Variants in AP4E1 observed in about 807,000 individuals in gnomAD.
The protein encoded by AP4E1 is AP-4 complex subunit epsilon-1.
In AP4E1, 56 loss-of-function variants were observed where a neutral mutation model predicts 128.2. The ratio of observed to expected loss-of-function variants is 0.44; its 90% CI spans 0.35 to 0.55. The LOEUF (loss-of-function observed/expected upper bound fraction) is 0.55, where lower values mean the gene tolerates loss of function less well. Among genes scored for constraint, AP4E1 ranks in the 20% least tolerant of loss-of-function variants. The pLI, the probability that AP4E1 is intolerant of heterozygous loss-of-function variation, is 0.00. For missense variants in AP4E1, 1,324 were observed against 1,307.7 expected (o/e 1.01, Z -0.19); for synonymous variants, 484 against 473.1 (o/e 1.02, Z -0.30).
At chr15:50,994,402 C>A (rs1567263938) in intron 17 of AP4E1, among the ~76,000 whole-genome samples, 1 of 152,058 alleles carries the variant, frequency 6.6e-6, no homozygotes, top group Admixed American at 6.6e-5. Context: ...TCCTCCTCCT[C>A]CCATGGTGAA....
rs746533356 is a variant in AP4E1 at position 50,930,799 on chromosome 15, A to G, written c.703-6A>G. On this transcript the variant is annotated splice_region_variant and splice_polypyrimidine_tract_variant and intron_variant, in intron 6 of 20. Transcript: ENST00000261842. ...TTAACAAAGTTTTTTTTGCGGGGGG[A>G]TGTAGGAGAATTCATCTGGATATAA... 3 of 1,613,004 alleles carry G rather than the reference A, an allele frequency of 1.9e-6. No homozygotes were observed. The highest frequency in any genetic ancestry group is 1.7e-6 in the Non-Finnish European group (2 of 1,179,706).
In AP4E1 at chr15:50,934,478, G is replaced by A. The variant is rs570673941; in HGVS notation, c.870-146G>A. ...TCATGAAAAACAGCAAACCTTTTAAGAAGTGAAATTTCCATAACTTCATCA... is the reference window on the plus strand; with the variant it reads ...TCATGAAAAACAGCAAACCTTTTAAAAAGTGAAATTTCCATAACTTCATCA... On this transcript the variant is annotated intron_variant, in intron 7 of 20. Transcript: ENST00000261842. 7.3e-5 allele frequency: 45 copies of A among 613,586 alleles called. No homozygotes were observed. In the South Asian group the frequency reaches 8.6e-4, roughly 12 times the overall value. The allele number at this position is 613,586 out of a possible 1,614,324, so 38.0% of individuals were successfully genotyped here. A position where few individuals can be genotyped will look rare whatever the true frequency, so the allele number is the denominator to read the frequency against.
At chr15:50,932,647 A>G (rs2063849939) in intron 7 of AP4E1, among the ~76,000 whole-genome samples, 1 of 152,154 alleles carries the variant, frequency 6.6e-6, no homozygotes, top group Admixed American at 6.5e-5. Flanking sequence ...GTTTTAGCCT[A>G]GCTTTACAAA....
intron 13 of AP4E1, among the ~76,000 whole-genome samples, chr15:50,951,392 CGCCTGCT>C (rs1395718377): frequency 2.0e-5 from 3 of 152,154 alleles, no homozygotes; most frequent in Non-Finnish European, 1.5e-5. Flanking sequence ...CCAACAGGGC[CGCCTGCT>C]TCATCAAAGC....
At chr15:50,965,777 G>A (rs1191264977) in intron 14 of AP4E1, among the ~76,000 whole-genome samples, 3 of 152,098 alleles carry the variant, frequency 2.0e-5, no homozygotes, top group Non-Finnish European at 2.9e-5. Context: ...ACTTGTTAAA[G>A]TCTTCACCAT....
At chr15:50,979,958 A>G (rs917573055) in intron 15 of AP4E1, among the ~76,000 whole-genome samples, 2 of 152,226 alleles carry the variant, frequency 1.3e-5, no homozygotes, top group Non-Finnish European at 2.9e-5. Flanking sequence ...AAACTGGGTA[A>G]TGAGTAGAGC....
intron 8 of AP4E1, among the ~76,000 whole-genome samples, chr15:50,937,679 C>T (rs2063924951): frequency 6.6e-6 from 1 of 152,038 alleles, no homozygotes; most frequent in Non-Finnish European, 1.5e-5. Context: ...TGTGATAGGA[C>T]CCTGAAAGGT....
rs992992877 is a variant in AP4E1 at position 50,922,514 on chromosome 15, C to T, written c.347-1417C>T. On this transcript the variant is annotated intron_variant, in intron 3 of 20. Transcript: ENST00000261842. Reference sequence around the variant, plus strand: ...TGTAAGAATTGGAAGTTTCCGTTTTCTCCTGTTCCATGGTAGACACAGACA... The same window carrying T: ...TGTAAGAATTGGAAGTTTCCGTTTTTTCCTGTTCCATGGTAGACACAGACA... Among the ~76,000 whole-genome samples, 5 of 152,276 alleles carry T rather than the reference C, an allele frequency of 3.3e-5. 1 individual carries two copies. In the East Asian group the frequency reaches 9.7e-4, roughly 29 times the overall value.
rs1392518920 is a variant in AP4E1 at position 51,004,530 on chromosome 15, TGTC to T, written c.*1871_*1873del. The T allele has an allele frequency of 6.6e-6, 1 of 152,396 alleles. No homozygotes were observed. Among genetic ancestry groups the T allele is most frequent in the African/African-American group, 2.4e-5 (1 of 41,416 alleles). 9.4% of individuals were successfully genotyped at this position (152,396 alleles called of 1,614,324 possible). A position where few individuals can be genotyped will look rare whatever the true frequency, so the allele number is the denominator to read the frequency against. ...TGTATTCATGAGTGGTAGCTGCAGT[TGTC>T]GTGAGAGACATGCTTGGCATACAGA... is the stretch of plus-strand genomic sequence containing the variant. On this transcript the variant is annotated 3_prime_UTR_variant, in exon 21 of 21. Coordinates refer to ENST00000261842, the MANE Select transcript of AP4E1 (RefSeq NM_007347.5).
intron 5 of AP4E1, among the ~76,000 whole-genome samples, chr15:50,925,596 G>A (rs948523133): frequency 6.7e-6 from 1 of 150,132 alleles, no homozygotes; most frequent in East Asian, 2.0e-4. Flanking sequence ...TTGTGCAAGT[G>A]TTGTGAATGC....
At position 50,973,812 on chromosome 15, in the gene AP4E1, C is replaced by G. The variant is rs535453713; in HGVS notation, c.1966+5435C>G. On this transcript the variant is annotated intron_variant, in intron 15 of 20. Transcript: ENST00000261842. ...ATATGACATCATCTTTATCCATTCA[C>G]CTACTGATGAACATTTAAGTTGTTT... 8.5e-4 allele frequency among the ~76,000 whole-genome samples: 129 copies of G among 152,286 alleles called. 1 individual carries two copies. The highest frequency in any genetic ancestry group is 1.5e-3 in the Non-Finnish European group (101 of 68,024).
intron 10 of AP4E1, chr15:50,945,269 A>C: frequency 5.1e-6 from 4 of 783,294 alleles, no homozygotes; most frequent in Non-Finnish European, 7.1e-6. Flanking sequence ...GTAGTGTTAA[A>C]TTTAACCCAA....
chr15:50,958,497 A>G lies in AP4E1; in HGVS notation c.1554A>G (p.Leu518=), dbSNP rs1318741100. The change falls in exon 14 of 21, where the codon TTA becomes TTG. Residue 518 remains leucine (L), a synonymous_variant. Transcript: ENST00000261842. ...QRFLQVMSWV[L]GEYSYLLDKE... ...TCTCTTTGTTTTATTTACAGGTATT[A>G]GGGGAATATTCCTACCTCTTAGATA... 6.2e-7 allele frequency: 1 copy of G among 1,609,774 alleles called. No individual in the cohort carries two copies. Among genetic ancestry groups the G allele is most frequent in the Admixed American group, 1.7e-5 (1 of 59,736 alleles).
At chr15:50,987,464 A>G (rs569382232) in intron 16 of AP4E1, among the ~76,000 whole-genome samples, 6 of 152,164 alleles carry the variant, frequency 3.9e-5, no homozygotes, top group Non-Finnish European at 7.3e-5. Flanking sequence ...CCCTCTACAC[A>G]CTACTTTAAA....
intron 5 of AP4E1, among the ~76,000 whole-genome samples, chr15:50,926,726 G>A (rs527687995): frequency 6.6e-6 from 1 of 151,866 alleles, no homozygotes; most frequent in Non-Finnish European, 1.5e-5. Context: ...AGCCTCCTGA[G>A]TAGTTGGAAC....
At chr15:50,955,554 G>A (rs549482197) in intron 13 of AP4E1, among the ~76,000 whole-genome samples, 1 of 152,096 alleles carries the variant, frequency 6.6e-6, no homozygotes, top group African/African-American at 2.4e-5. Flanking sequence ...TGAGAGAAGG[G>A]TATTGACATC....
At chr15:50,912,787 T>G (rs1334091988) in intron 2 of AP4E1, among the ~76,000 whole-genome samples, 8 of 151,988 alleles carry the variant, frequency 5.3e-5, no homozygotes, top group Non-Finnish European at 1.2e-4. Context: ...CTCAGCCTCC[T>G]GAGTAACTGG....
intron 1 of AP4E1, among the ~76,000 whole-genome samples, chr15:50,910,352 TA>T (rs2063551015): frequency 6.6e-6 from 1 of 152,314 alleles, no homozygotes; most frequent in Non-Finnish European, 1.5e-5. Flanking sequence ...GTTTATATCT[TA>T]AAAAGAGCAC....
At chr15:50,952,599 A>T (rs1327819499) in intron 13 of AP4E1, among the ~76,000 whole-genome samples, 4 of 152,018 alleles carry the variant, frequency 2.6e-5, no homozygotes. Context: ...GTACCAAAAA[A>T]TGTCTCTTAG....
Sources: allele counts gnomAD v4.1 joint callset (sites outside exome capture counted in the v4.1 genomes callset), GRCh38; gene constraint gnomAD v4.1.1; transcripts MANE v1.5; gene names NCBI Gene and HGNC (gene_info 2026-07-23, HGNC 2026-07-21).